The following NCKAP5 variants were observed in gnomAD, a reference collection of about 807,000 sequenced individuals.
The protein encoded by NCKAP5 is nck-associated protein 5.
Under a neutral mutation model 167.0 loss-of-function variants are expected in NCKAP5, and 92 were observed. The ratio of observed to expected loss-of-function variants is 0.55; its 90% CI spans 0.47 to 0.66. The LOEUF is 0.66. Ranked by LOEUF, NCKAP5 falls within the 30% of genes least tolerant of loss-of-function variation. The pLI is 0.00. For missense variants in NCKAP5, 2,378 were observed against 2,315.0 expected (o/e 1.03, Z -0.56); for synonymous variants, 891 against 877.4 (o/e 1.02, Z -0.27).
In NCKAP5 at chr2:132,723,205, G is replaced by T. The variant is rs113846844; in HGVS notation, c.5713+2422C>A. ...CTGTCGTCCAGGCTGGAGTGCAGTG[G>T]CATGATCTCGGCTCACTGCAACCTC... is the stretch of plus-strand genomic sequence containing the variant. On this transcript the variant is annotated intron_variant, in intron 19 of 19. Transcript: ENST00000409261. Among the ~76,000 whole-genome samples the T allele has an allele frequency of 3.1e-3, 458 of 146,506 alleles. 4 individuals carry two copies. Among genetic ancestry groups the T allele is most frequent in the African/African-American group, 0.011 (438 of 38,670 alleles).
chr2:132,752,042 C>A (rs1680158071), intron 16 of NCKAP5, among the ~76,000 whole-genome samples: 1 of 152,222 alleles, frequency 6.6e-6, no homozygotes, highest in Non-Finnish European at 1.5e-5. Flanking sequence ...CCAGTCAGCA[C>A]AATTATCTAC....
At chr2:133,637,624 A>C in the NCKAP5 span, among the ~76,000 whole-genome samples, 1 of 127,324 alleles carries the variant, frequency 7.9e-6, no homozygotes, top group African/African-American at 3.0e-5. Flanking sequence ...TGGATGTTTT[A>C]AAAAGCAAAT....
At chr2:133,359,159 C>T (rs1684928804) in intron 3 of NCKAP5, among the ~76,000 whole-genome samples, 1 of 152,148 alleles carries the variant, frequency 6.6e-6, no homozygotes, top group African/African-American at 2.4e-5. Flanking sequence ...TTTTAGCAGG[C>T]ACCTTGGTAT....
chr2:132,863,817 G>C (rs372552456), intron 10 of NCKAP5, among the ~76,000 whole-genome samples: 1 of 152,180 alleles, frequency 6.6e-6, no homozygotes, highest in Non-Finnish European at 1.5e-5. Context: ...ATGCCAGAGA[G>C]TTGCCTTCCC....
intron 7 of NCKAP5, among the ~76,000 whole-genome samples, chr2:132,992,570 C>A (rs939587832): frequency 6.6e-6 from 1 of 152,214 alleles, no homozygotes; most frequent in Non-Finnish European, 1.5e-5. Context: ...CCCTTTCAGG[C>A]TGCATCGAAC....
intron 3 of NCKAP5, among the ~76,000 whole-genome samples, chr2:133,385,988 A>C (rs1407208482): frequency 6.6e-6 from 1 of 152,100 alleles, no homozygotes; most frequent in African/African-American, 2.4e-5. Context: ...TGATCTTTTC[A>C]AAAAACCAGC....
intron 7 of NCKAP5, among the ~76,000 whole-genome samples, chr2:132,984,821 A>T (rs2077244417): frequency 1.3e-5 from 2 of 151,608 alleles, no homozygotes; most frequent in African/African-American, 4.9e-5. Context: ...GTAAGGTCAA[A>T]GTTCAAGGAC....
At chr2:133,016,907 T>C (rs1437054259) in intron 6 of NCKAP5, among the ~76,000 whole-genome samples, 1 of 152,232 alleles carries the variant, frequency 6.6e-6, no homozygotes, top group African/African-American at 2.4e-5. Flanking sequence ...CCTTTTAATA[T>C]GTAACTGAGA....
chr2:132,789,724 T>C (rs1245922838), intron 13 of NCKAP5, among the ~76,000 whole-genome samples: 1 of 152,144 alleles, frequency 6.6e-6, no homozygotes, highest in African/African-American at 2.4e-5. Context: ...GTCATTCTAG[T>C]AGTAGTAATT....
At chr2:133,618,161 G>T in the NCKAP5 span, among the ~76,000 whole-genome samples, 1 of 152,010 alleles carries the variant, frequency 6.6e-6, no homozygotes. Flanking sequence ...ATTCAAGATG[G>T]ATTAAAGCCT....
intron 5 of NCKAP5, among the ~76,000 whole-genome samples, chr2:133,192,998 A>G (rs895815493): frequency 6.6e-6 from 1 of 152,104 alleles, no homozygotes; most frequent in African/African-American, 2.4e-5. Flanking sequence ...AACAACCCAA[A>G]TGTCTTTCAA....
intron 7 of NCKAP5, among the ~76,000 whole-genome samples, chr2:132,979,365 C>T (rs185134514): frequency 8.7e-4 from 132 of 152,234 alleles, no homozygotes; most frequent in Non-Finnish European, 1.6e-3. Flanking sequence ...GACACCTCTG[C>T]TATTTCTCAC....
At chr2:132,826,539 T>A (rs1381469537) in intron 11 of NCKAP5, among the ~76,000 whole-genome samples, 1 of 152,234 alleles carries the variant, frequency 6.6e-6, no homozygotes, top group Admixed American at 6.5e-5. Context: ...TTATGTGACT[T>A]GTGCTTTGCC....
intron 5 of NCKAP5, among the ~76,000 whole-genome samples, chr2:133,184,359 A>G (rs1446279809): frequency 6.6e-6 from 1 of 152,034 alleles, no homozygotes; most frequent in Admixed American, 6.6e-5. Context: ...TCTTTATCCA[A>G]TCCACCACTG....
chr2:133,245,624 C>T (rs941020454), intron 4 of NCKAP5, among the ~76,000 whole-genome samples: 1 of 151,874 alleles, frequency 6.6e-6, no homozygotes, highest in Non-Finnish European at 1.5e-5. Flanking sequence ...TATGTTACAC[C>T]TCAATAAATT....
intron 6 of NCKAP5, among the ~76,000 whole-genome samples, chr2:133,014,671 T>A (rs2078271772): frequency 6.6e-6 from 1 of 152,258 alleles, no homozygotes; most frequent in East Asian, 1.9e-4. Flanking sequence ...TACTGAGATC[T>A]GGGTGCTGTG....
chr2:132,853,307 C>T (rs753729349), intron 11 of NCKAP5, among the ~76,000 whole-genome samples: 11 of 152,148 alleles, frequency 7.2e-5, no homozygotes, highest in South Asian at 2.1e-4. Context: ...AAAGCTATGG[C>T]GACATCTAGC....
At chr2:133,255,497 G>A (rs918216579) in intron 4 of NCKAP5, among the ~76,000 whole-genome samples, 1 of 151,556 alleles carries the variant, frequency 6.6e-6, no homozygotes, top group Non-Finnish European at 1.5e-5. Context: ...TGGGGGGAGG[G>A]GTGTAAGTGA....
chr2:133,056,946 G>C (rs1192142709), intron 6 of NCKAP5, among the ~76,000 whole-genome samples: 1 of 152,062 alleles, frequency 6.6e-6, no homozygotes, highest in African/African-American at 2.4e-5. Flanking sequence ...AAGTGTAGTA[G>C]CACTATTTTT....
Sources: allele counts gnomAD v4.1 joint callset (sites outside exome capture counted in the v4.1 genomes callset), GRCh38; gene constraint gnomAD v4.1.1; transcripts MANE v1.5; gene names NCBI Gene and HGNC (gene_info 2026-07-23, HGNC 2026-07-21).